PAK5: variants seen among roughly 807,000 people sequenced by gnomAD.
PAK5 encodes p21 (RAC1) activated kinase 5.
PAK5 carries 16 observed loss-of-function variants against 65.9 expected under a neutral mutation model. The observed-to-expected ratio is 0.24, with a 90% CI of 0.16 to 0.37. The LOEUF (loss-of-function observed/expected upper bound fraction) is 0.37. PAK5 is among the 10% of genes least tolerant of loss of function. The pLI is 1.00. For missense variants in PAK5, 785 were observed against 903.9 expected (o/e 0.87, Z 1.69); for synonymous variants, 371 against 354.9 (o/e 1.05, Z -0.51).
intron 2 of PAK5, among the ~76,000 whole-genome samples, chr20:9,691,515 G>T (rs1480462204): frequency 6.6e-6 from 1 of 152,148 alleles, no homozygotes; most frequent in Non-Finnish European, 1.5e-5. Flanking sequence ...ACTTGGTAGG[G>T]TTTAAATAGT....
rs772344992 is a variant in PAK5, at chr20:9,606,475, A to C, written c.205-25545T>G. ...CAGGTGCTTGTCAAGTGAAGGAAGG[A>C]GTAAAAGACCCCACATGTGGACCGT... On this transcript the variant is annotated intron_variant, in intron 3 of 9. Transcript: ENST00000353224. Among the ~76,000 whole-genome samples, 74 of 152,188 alleles carry C rather than the reference A, an allele frequency of 4.9e-4. 1 individual carries two copies. The highest frequency in any genetic ancestry group is 2.1e-4 in the South Asian group (1 of 4,824).
At chr20:9,745,260 G>C (rs890477581) in intron 1 of PAK5, among the ~76,000 whole-genome samples, 1 of 151,872 alleles carries the variant, frequency 6.6e-6, no homozygotes, top group Non-Finnish European at 1.5e-5. Context: ...TGAAAATGGT[G>C]CATTTATCTT....
chr20:9,607,292 G>A (rs1417563046), intron 3 of PAK5, among the ~76,000 whole-genome samples: 1 of 152,214 alleles, frequency 6.6e-6, no homozygotes, highest in South Asian at 2.1e-4. Flanking sequence ...AAAGGAAAAT[G>A]GAGGGACATT....
At chr20:9,579,188 A>C (rs2045937055) in intron 4 of PAK5, among the ~76,000 whole-genome samples, 2 of 152,180 alleles carry the variant, frequency 1.3e-5, no homozygotes. Flanking sequence ...TGGTATAAAT[A>C]AAGTACATGA....
chr20:9,689,126 G>T (rs1162815508), intron 2 of PAK5, among the ~76,000 whole-genome samples: 2 of 152,178 alleles, frequency 1.3e-5, no homozygotes, highest in African/African-American at 4.8e-5. Flanking sequence ...ATTAACGTCT[G>T]TAGTTGAACA....
intron 3 of PAK5, among the ~76,000 whole-genome samples, chr20:9,603,461 C>T (rs1048388842): frequency 6.6e-6 from 1 of 152,150 alleles, no homozygotes; most frequent in Non-Finnish European, 1.5e-5. Context: ...GAATCAGCTC[C>T]TCCTGGCACC....
chr20:9,632,623 G>A (rs570091561), intron 3 of PAK5, among the ~76,000 whole-genome samples: 1 of 152,290 alleles, frequency 6.6e-6, no homozygotes, highest in East Asian at 1.9e-4. Context: ...GAGAGCTCAT[G>A]GGCTAAATCT....
At chr20:9,710,382 A>G (rs2123485354) in intron 2 of PAK5, among the ~76,000 whole-genome samples, 1 of 152,330 alleles carries the variant, frequency 6.6e-6, no homozygotes, top group South Asian at 2.1e-4. Flanking sequence ...ATTACATCAT[A>G]AGCAGTTCTT....
intron 3 of PAK5, among the ~76,000 whole-genome samples, chr20:9,612,144 C>T (rs1039005016): frequency 9.2e-5 from 14 of 152,242 alleles, no homozygotes; most frequent in Middle Eastern, 3.4e-3. Context: ...GACAGCAGAC[C>T]CCCAAATCTA....
chr20:9,759,672 G>A (rs191339776), intron 1 of PAK5, among the ~76,000 whole-genome samples: 78 of 152,046 alleles, frequency 5.1e-4, no homozygotes, highest in African/African-American at 1.3e-3. Context: ...GTACAAGGTC[G>A]AAAAAGGAGG....
chr20:9,599,835 CA>C (rs1351994470), intron 3 of PAK5, among the ~76,000 whole-genome samples: 1 of 152,102 alleles, frequency 6.6e-6, no homozygotes, highest in African/African-American at 2.4e-5. Flanking sequence ...TAATTCAGTG[CA>C]AAAAGTTTTG....
intron 1 of PAK5, among the ~76,000 whole-genome samples, chr20:9,738,627 T>C (rs1424426928): frequency 1.3e-5 from 2 of 152,144 alleles, no homozygotes; most frequent in African/African-American, 4.8e-5. Context: ...ACATACAGTG[T>C]CAGAAAGAAG....
chr20:9,786,229 G>A (rs1472112335), intron 1 of PAK5, among the ~76,000 whole-genome samples: 1 of 152,036 alleles, frequency 6.6e-6, no homozygotes, highest in Non-Finnish European at 1.5e-5. Flanking sequence ...TGCCCAGCTG[G>A]AAGGGAGGCT....
At chr20:9,668,461 G>A (rs1474055512) in intron 2 of PAK5, among the ~76,000 whole-genome samples, 1 of 152,144 alleles carries the variant, frequency 6.6e-6, no homozygotes, top group Non-Finnish European at 1.5e-5. Context: ...CCTGCCTTCA[G>A]CAGGATGCCA....
chr20:9,793,038 C>G (rs1007653910), intron 1 of PAK5, among the ~76,000 whole-genome samples: 1 of 152,074 alleles, frequency 6.6e-6, no homozygotes, highest in Non-Finnish European at 1.5e-5. Flanking sequence ...TAACTGATAG[C>G]GACTCATCAA....
intron 3 of PAK5, among the ~76,000 whole-genome samples, chr20:9,599,811 C>G (rs2046329749): frequency 6.6e-6 from 1 of 152,116 alleles, no homozygotes. Flanking sequence ...CGGATTTTCA[C>G]TCTCTTAACA....
chr20:9,683,719 T>A (rs991968091), intron 2 of PAK5, among the ~76,000 whole-genome samples: 24 of 152,200 alleles, frequency 1.6e-4, no homozygotes, highest in African/African-American at 5.3e-4. Flanking sequence ...GGTACCTTTT[T>A]TTGTTTTGTT....
intron 3 of PAK5, among the ~76,000 whole-genome samples, chr20:9,585,958 C>T (rs1458950023): frequency 6.6e-6 from 1 of 151,784 alleles, no homozygotes; most frequent in Non-Finnish European, 1.5e-5. Context: ...TAGGAGGAAG[C>T]AATAGATGTA....
intron 1 of PAK5, among the ~76,000 whole-genome samples, chr20:9,836,731 G>C (rs577750384): frequency 6.6e-6 from 1 of 152,268 alleles, no homozygotes; most frequent in African/African-American, 2.4e-5. Flanking sequence ...TCATTATATA[G>C]GGCACATAGC....
Sources: gnomAD v4.1 joint callset for allele counts (sites outside exome capture counted in the v4.1 genomes callset) on GRCh38, gnomAD v4.1.1 for gene constraint, MANE v1.5 for transcripts, NCBI Gene and HGNC (gene_info 2026-07-23, HGNC 2026-07-21) for gene names.